The following IFT22 variants were observed in gnomAD, a reference collection of about 807,000 sequenced individuals.
IFT22 encodes the protein intraflagellar transport protein 22 homolog.
IFT22 carries 13 observed loss-of-function variants against 21.0 expected under a neutral mutation model. The ratio of observed to expected loss-of-function variants is 0.62; its 90% CI spans 0.40 to 0.98. IFT22 has a LOEUF of 0.98. IFT22 is among the 50% of genes least tolerant of loss of function. The pLI, the probability that IFT22 is intolerant of heterozygous loss-of-function variation, is 0.00. For missense variants in IFT22, 227 were observed against 228.9 expected, an observed-to-expected ratio of 0.99 and a Z score of 0.06; for synonymous variants, 67 against 82.4, an observed-to-expected ratio of 0.81 and a Z score of 1.01.
At chr7:101,320,557 CCTTTTT>C (rs1562935068) in intron 1 of IFT22, among the ~76,000 whole-genome samples, 9 of 130,128 alleles carry the variant, frequency 6.9e-5, no homozygotes, top group Non-Finnish European at 9.3e-5. Context: ...CCGCGCCCGG[CCTTTTT>C]TTTTTTTTTT....
rs568862872 is a variant in IFT22, at chr7:101,311,561, G to C, written c.*3573C>G. ...CATGTCAGCCCTCCTCACTGTGAAA[G>C]TGACAGACACCCTAGCATTTTTATT... On this transcript the variant is annotated 3_prime_UTR_variant, in exon 5 of 5. Transcript: ENST00000315322. Among the ~76,000 whole-genome samples, 3 of 152,316 alleles carry C rather than the reference G, an allele frequency of 2.0e-5. No individual in the cohort carries two copies. The highest frequency in any genetic ancestry group is 1.9e-4 in the East Asian group (1 of 5,186).
chr7:101,319,732 C>G (rs1790275622), intron 1 of IFT22, among the ~76,000 whole-genome samples: 3 of 143,506 alleles, frequency 2.1e-5, no homozygotes, highest in Non-Finnish European at 3.0e-5. Flanking sequence ...CAGCCTTGAT[C>G]TGTAGGGCTC....
intron 1 of IFT22, among the ~76,000 whole-genome samples, chr7:101,320,902 T>G (rs951162912): frequency 6.6e-6 from 1 of 152,000 alleles, no homozygotes; most frequent in African/African-American, 2.4e-5. Context: ...ATCCCAGCAC[T>G]GTGGGAGGCC....
In IFT22 at chr7:101,310,989, ATTTTTTTT is replaced by A. The variant is rs934461106; in HGVS notation, c.*4137_*4144del. On this transcript the variant is annotated 3_prime_UTR_variant, in exon 5 of 5. Coordinates refer to ENST00000315322, the MANE Select transcript of IFT22 (RefSeq NM_022777.4). Reference sequence around the variant, plus strand: ...CAGGTGAACAAAATCTGCTGGGTTAATTTTTTTTTTTTTTTTTTTTTTGAGATGGAGTC... The same window carrying A: ...CAGGTGAACAAAATCTGCTGGGTTAATTTTTTTTTTTTTTGAGATGGAGTC... 11 of 239,832 alleles carry A rather than the reference ATTTTTTTT, an allele frequency of 4.6e-5. No homozygotes were observed. Among genetic ancestry groups the A allele is most frequent in the African/African-American group, 2.8e-4 (10 of 35,466 alleles). 14.9% of individuals were successfully genotyped at this position (239,832 alleles called of 1,614,324 possible).
chr7:101,315,220 G>A lies in IFT22; in HGVS notation c.472C>T (p.Arg158Trp), dbSNP rs1270817519. 5.6e-6 allele frequency: 9 copies of A among 1,613,912 alleles called. No individual in the cohort carries two copies. The highest frequency in any genetic ancestry group is 6.8e-6 in the Non-Finnish European group (8 of 1,179,982). The change falls in exon 5 of 5, where the codon CGG (arginine) becomes TGG (tryptophan). Residue 158 changes from arginine to tryptophan, a missense_variant. Transcript: ENST00000315322. ...SNLEDDPEEI[R>W]MEFIKYLKSI... Reference sequence around the variant, plus strand: ...TTTAAATACTTTATGAATTCCATCCGGATCTCCTCAGGGTCATCTTCCAGG... The same window carrying A: ...TTTAAATACTTTATGAATTCCATCCAGATCTCCTCAGGGTCATCTTCCAGG...
Position 101,313,023 on chromosome 7 carries a change from G to T in IFT22, c.*2111C>A, listed in dbSNP as rs369002583. Among the ~76,000 whole-genome samples the T allele has an allele frequency of 6.6e-6, 1 of 151,944 alleles. No homozygotes were observed. Among genetic ancestry groups the T allele is most frequent in the Non-Finnish European group, 1.5e-5 (1 of 67,984 alleles). Reference sequence around the variant, plus strand: ...TAATTTTTGTATTTTTAGTAGAGACGGGGTTTCACCATGTTGGACAGGCTG... The same window carrying T: ...TAATTTTTGTATTTTTAGTAGAGACTGGGTTTCACCATGTTGGACAGGCTG... On this transcript the variant is annotated 3_prime_UTR_variant, in exon 5 of 5. Transcript: ENST00000315322.
chr7:101,321,521 A>C (rs1236160942), intron 1 of IFT22, 150 bp downstream of exon 1: 1 of 719,878 alleles, frequency 1.4e-6, no homozygotes, highest in Non-Finnish European at 2.2e-6. Flanking sequence ...GAGTTCACGG[A>C]AAGGGCAGGG....
At position 101,312,073 on chromosome 7, in the gene IFT22, C is replaced by A. The variant is rs75484350; in HGVS notation, c.*3061G>T. Among the ~76,000 whole-genome samples, 6,732 of 151,944 alleles carry A rather than the reference C, an allele frequency of 0.044. 256 individuals are homozygous for A. The highest frequency in any genetic ancestry group is 0.098 in the African/African-American group (4,065 of 41,430). On this transcript the variant is annotated 3_prime_UTR_variant, in exon 5 of 5. Transcript: ENST00000315322. ...GATTCTGTACATTAAATCTTTTGAA[C>A]ATGTTTACCAATTTGGTGTTATGAA... is the stretch of plus-strand genomic sequence containing the variant.
At chr7:101,321,630 C>T in intron 1 of IFT22, 41 bp downstream of exon 1, 1 of 1,571,652 alleles carries the variant, frequency 6.4e-7, no homozygotes, top group Non-Finnish European at 8.6e-7. Context: ...GGCCCCGAGG[C>T]CTGCTCCCCG....
At chr7:101,320,580 TA>T (rs1164099720) in intron 1 of IFT22, among the ~76,000 whole-genome samples, 49 of 119,740 alleles carry the variant, frequency 4.1e-4, no homozygotes, top group African/African-American at 1.3e-3. Flanking sequence ...TTTTTTTTTT[TA>T]AACGCATTTA....
At chr7:101,320,017 C>T (rs2410815) in intron 1 of IFT22, among the ~76,000 whole-genome samples, 23,284 of 151,568 alleles carry the variant, frequency 0.15, 1,889 homozygotes, top group Non-Finnish European at 0.16. Context: ...AGTGCAATGG[C>T]GCGATCTTGG....
intron 1 of IFT22, chr7:101,321,464 C>G: frequency 1.8e-6 from 1 of 571,196 alleles, no homozygotes; most frequent in Non-Finnish European, 3.1e-6. Flanking sequence ...GGGCTCGCCT[C>G]CACTACCTCC....
chr7:101,312,245 A>G lies in IFT22; in HGVS notation c.*2889T>C, dbSNP rs938136511. 1.3e-5 allele frequency among the ~76,000 whole-genome samples: 2 copies of G among 152,078 alleles called. No individual in the cohort carries two copies. Among genetic ancestry groups the G allele is most frequent in the African/African-American group, 4.8e-5 (2 of 41,420 alleles). ...ATGGCAAAACCCCATCTCTACAAAA[A>G]GTACAAAAATTAGCCAGGCGTGCAC... On this transcript the variant is annotated 3_prime_UTR_variant, in exon 5 of 5. Transcript: ENST00000315322.
chr7:101,321,766 G>T lies in IFT22; in HGVS notation c.-57C>A. ...CCACGGGAGGCGGCGCGTCAGGACGGAGCTCTACTTGGCCGCTTTCGTTTC... is the reference window on the plus strand; with the variant it reads ...CCACGGGAGGCGGCGCGTCAGGACGTAGCTCTACTTGGCCGCTTTCGTTTC... On this transcript the variant is annotated 5_prime_UTR_variant, in exon 1 of 5. Transcript: ENST00000315322. The T allele has an allele frequency of 1.4e-5, 21 of 1,513,066 alleles. No homozygotes were observed. Among genetic ancestry groups the T allele is most frequent in the Non-Finnish European group, 1.9e-5 (21 of 1,122,402 alleles). 93.7% of individuals were successfully genotyped at this position (1,513,066 alleles called of 1,614,324 possible). A position where few individuals can be genotyped will look rare whatever the true frequency, so the allele number is the denominator to read the frequency against.
intron 1 of IFT22, 75 bp from the exon 2 acceptor site, chr7:101,319,107 G>A (rs765418796): frequency 1.7e-5 from 25 of 1,475,384 alleles, no homozygotes; most frequent in Non-Finnish European, 2.3e-5. Context: ...CCCAAGAGGT[G>A]GCCTGGAACC....
intron 1 of IFT22, among the ~76,000 whole-genome samples, chr7:101,320,363 C>T (rs531870394): frequency 2.0e-5 from 3 of 151,846 alleles, no homozygotes; most frequent in South Asian, 2.1e-4. Context: ...CTCCACCTCC[C>T]GGGTTCACGC....
intron 1 of IFT22, among the ~76,000 whole-genome samples, chr7:101,319,502 G>A (rs193101971): frequency 0.044 from 6,654 of 152,116 alleles, 248 homozygotes; most frequent in African/African-American, 0.096. Flanking sequence ...GGTTTATAGG[G>A]ATGAGCCACT....
intron 1 of IFT22, 60 bp downstream of exon 1, chr7:101,321,611 G>C: frequency 6.5e-7 from 1 of 1,531,898 alleles, no homozygotes; most frequent in Admixed American, 2.0e-5. Flanking sequence ...GGGGACCTGC[G>C]CTCGCCCAGG....
At chr7:101,321,240 T>C (rs1790338034) in intron 1 of IFT22, among the ~76,000 whole-genome samples, 1 of 151,990 alleles carries the variant, frequency 6.6e-6, no homozygotes, top group African/African-American at 2.4e-5. Context: ...GGAGGACTGC[T>C]TGAGCCCAGG....
Sources: gnomAD v4.1 joint callset for allele counts (sites outside exome capture counted in the v4.1 genomes callset) on GRCh38, gnomAD v4.1.1 for gene constraint, MANE v1.5 for transcripts, NCBI Gene and HGNC (gene_info 2026-07-23, HGNC 2026-07-21) for gene names.